RNF130: variants seen among roughly 807,000 people sequenced by gnomAD.
RNF130 encodes the protein E3 ubiquitin-protein ligase RNF130.
A neutral mutation model predicts 44.6 loss-of-function variants in RNF130; 21 were observed. That is an observed-to-expected ratio of 0.47 (90% CI 0.33 to 0.68). The LOEUF (loss-of-function observed/expected upper bound fraction) is 0.68. Among genes scored for constraint, RNF130 ranks in the 30% least tolerant of loss-of-function variants. RNF130 has a pLI of 0.02. For missense variants in RNF130, 479 were observed against 560.6 expected (o/e 0.85, Z 1.47); for synonymous variants, 214 against 210.4 (o/e 1.02, Z -0.15).
chr5:179,924,852 C>G (rs1038063648), intron 7 of RNF130, among the ~76,000 whole-genome samples: 1 of 151,966 alleles, frequency 6.6e-6, no homozygotes, highest in Non-Finnish European at 1.5e-5. Flanking sequence ...TCCTATCTAT[C>G]CACAGTAGCC....
intron 3 of RNF130, among the ~76,000 whole-genome samples, chr5:179,998,301 T>C (rs1763248390): frequency 6.6e-6 from 1 of 152,244 alleles, no homozygotes; most frequent in South Asian, 2.1e-4. Flanking sequence ...TGAAGAAATT[T>C]TAAAGTCTCC....
At chr5:179,955,744 T>TTC in intron 8 of RNF130, 75 bp from the exon 9 acceptor site, 1 of 1,254,102 alleles carries the variant, frequency 8.0e-7, no homozygotes, top group Non-Finnish European at 1.1e-6. Flanking sequence ...GAAGTGACCC[T>TTC]AACTGAAGGG....
At chr5:180,064,477 T>TC (rs1210991124) in intron 1 of RNF130, among the ~76,000 whole-genome samples, 1 of 152,204 alleles carries the variant, frequency 6.6e-6, no homozygotes, top group South Asian at 2.1e-4. Flanking sequence ...GGTGGTCTAT[T>TC]CCACCGTTCC....
intron 3 of RNF130, among the ~76,000 whole-genome samples, chr5:180,009,255 C>A (rs1376436110): frequency 6.6e-6 from 1 of 152,024 alleles, no homozygotes; most frequent in Non-Finnish European, 1.5e-5. Flanking sequence ...AATTAATAAA[C>A]CATAAAAATT....
At chr5:180,070,612 G>A (rs1260949852) in intron 1 of RNF130, among the ~76,000 whole-genome samples, 1 of 152,142 alleles carries the variant, frequency 6.6e-6, no homozygotes, top group Non-Finnish European at 1.5e-5. Flanking sequence ...GGGGATAATG[G>A]CAGATATCTC....
At position 180,038,776 on chromosome 5, in the gene RNF130, T is replaced by G. The variant is rs188481455; in HGVS notation, c.442+1677A>C. Among the ~76,000 whole-genome samples the G allele has an allele frequency of 6.1e-3, 935 of 152,302 alleles. 11 individuals are homozygous for G. The highest frequency in any genetic ancestry group is 0.021 in the African/African-American group (890 of 41,564). The stretch of plus-strand genomic sequence containing the variant: ...ATCTCATACTTTTATTAAAAGACTC[T>G]CATTCTAGCTACTTCTCTGTGGTTT... On this transcript the variant is annotated intron_variant, in intron 2 of 8. Coordinates refer to ENST00000521389, the MANE Select transcript of RNF130 (RefSeq NM_018434.6).
intron 2 of RNF130, 110 bp downstream of exon 2, chr5:180,040,343 A>G: frequency 2.0e-6 from 2 of 1,015,178 alleles, no homozygotes. Context: ...TGGCAATACT[A>G]ATAGGATTAT....
intron 3 of RNF130, among the ~76,000 whole-genome samples, chr5:180,004,306 T>C (rs17681274): frequency 0.2 from 30,649 of 152,154 alleles, 3,311 homozygotes; most frequent in Middle Eastern, 0.25. Flanking sequence ...CTGTGCCCTA[T>C]TCCTTTAATA....
chr5:179,946,677 C>T (rs1186343025), intron 7 of RNF130, among the ~76,000 whole-genome samples: 1 of 151,936 alleles, frequency 6.6e-6, no homozygotes, highest in Non-Finnish European at 1.5e-5. Flanking sequence ...CCTCAGCCTC[C>T]CGAGTAGCTG....
rs1487351935 is a variant in RNF130, at chr5:180,033,135, G to A, written c.442+7318C>T. 2.6e-5 allele frequency among the ~76,000 whole-genome samples: 4 copies of A among 151,874 alleles called. No homozygotes were observed. The South Asian group carries it at 6.2e-4, about 24-fold the overall frequency. ...ACCACAGGTGAATACTGCTACACCC[G>A]GCTACTTTTTTTATTTTTTATTTTT... is the stretch of plus-strand genomic sequence containing the variant. On this transcript the variant is annotated intron_variant, in intron 2 of 8. Coordinates refer to ENST00000521389, the MANE Select transcript of RNF130 (RefSeq NM_018434.6).
chr5:179,922,765 C>G (rs1279591177), intron 7 of RNF130, among the ~76,000 whole-genome samples: 1 of 151,900 alleles, frequency 6.6e-6, no homozygotes, highest in African/African-American at 2.4e-5. Context: ...GAAACCCCAT[C>G]TCTACTAAAA....
intron 1 of RNF130, among the ~76,000 whole-genome samples, chr5:180,064,443 C>T (rs1765052567): frequency 6.6e-6 from 1 of 152,190 alleles, no homozygotes; most frequent in Non-Finnish European, 1.5e-5. Context: ...GAGGCAACCA[C>T]TTCCAACAGT....
chr5:179,914,495 A>G (rs1361907895), exon 8 of RNF130: 1 of 152,244 alleles, frequency 6.6e-6, no homozygotes, highest in Non-Finnish European at 1.5e-5. Context: ...CTTTATCCCA[A>G]GCCCCATCCT....
chr5:180,051,238 A>ATT (rs1554107011), intron 1 of RNF130, among the ~76,000 whole-genome samples: 1 of 144,096 alleles, frequency 6.9e-6, no homozygotes, highest in African/African-American at 2.5e-5. Context: ...TATAGATATT[A>ATT]TATTTATTTA....
At chr5:179,963,111 T>TG (rs895846080) in intron 8 of RNF130, among the ~76,000 whole-genome samples, 5 of 152,242 alleles carry the variant, frequency 3.3e-5, no homozygotes, top group African/African-American at 1.2e-4. Context: ...ATGTGTGTGA[T>TG]GAACGCAAAG....
At chr5:180,040,168 T>C (rs1764372657) in intron 2 of RNF130, among the ~76,000 whole-genome samples, 1 of 152,162 alleles carries the variant, frequency 6.6e-6, no homozygotes, top group African/African-American at 2.4e-5. Context: ...ATCAAATACA[T>C]TATTTGTCAA....
intron 3 of RNF130, among the ~76,000 whole-genome samples, chr5:179,987,296 T>C (rs560604704): frequency 6.6e-6 from 1 of 152,284 alleles, no homozygotes; most frequent in African/African-American, 2.4e-5. Context: ...GCCTCCTGAA[T>C]ACCTGGGACT....
intron 7 of RNF130, among the ~76,000 whole-genome samples, chr5:179,947,711 A>G (rs1024514906): frequency 1.3e-5 from 2 of 152,210 alleles, no homozygotes; most frequent in Non-Finnish European, 2.9e-5. Context: ...TAAGCACTGT[A>G]TGTGTTAGCT....
chr5:180,023,942 A>C (rs1034744150), intron 2 of RNF130, among the ~76,000 whole-genome samples: 1 of 152,244 alleles, frequency 6.6e-6, no homozygotes, highest in Non-Finnish European at 1.5e-5. Flanking sequence ...ACCAAAGTCA[A>C]CATCACTGGT....
Sources: gnomAD v4.1 joint callset for allele counts (sites outside exome capture counted in the v4.1 genomes callset) on GRCh38, gnomAD v4.1.1 for gene constraint, MANE v1.5 for transcripts, NCBI Gene and HGNC (gene_info 2026-07-23, HGNC 2026-07-21) for gene names.